DNAJC7: variants seen among roughly 807,000 people sequenced by gnomAD.
The protein encoded by DNAJC7 is dnaJ homolog subfamily C member 7.
DNAJC7 carries 18 observed loss-of-function variants against 67.4 expected under a neutral mutation model. The ratio of observed to expected loss-of-function variants is 0.27; its 90% CI spans 0.18 to 0.40. DNAJC7 has a LOEUF of 0.40. Ranked by LOEUF, DNAJC7 falls within the 10% of genes least tolerant of loss-of-function variation. The pLI is 1.00. For synonymous variants in DNAJC7, 220 were observed against 207.8 expected, an observed-to-expected ratio of 1.06 and a Z score of -0.50; for missense variants, 419 against 613.8, an observed-to-expected ratio of 0.68 and a Z score of 3.35.
Position 41,996,526 on chromosome 17 carries a change from G to A in DNAJC7, c.292-102C>T, listed in dbSNP as rs138676914. ...CACACAAAACCAACACAGAGGCCAG[G>A]CGCGGTGACTCACACCTGTAATCCC... On this transcript the variant is annotated intron_variant, in intron 3 of 13. Coordinates refer to ENST00000457167, the MANE Select transcript of DNAJC7 (RefSeq NM_003315.4). 1.0e-5 allele frequency: 10 copies of A among 974,192 alleles called. No individual in the cohort carries two copies. The African/African-American group carries it at 1.1e-4, about 11-fold the overall frequency. The allele number at this position is 974,192 out of a possible 1,614,324, so 60.3% of individuals were successfully genotyped here.
intron 5 of DNAJC7, among the ~76,000 whole-genome samples, chr17:41,994,162 C>G (rs1555648224): frequency 6.6e-6 from 1 of 151,768 alleles, no homozygotes; most frequent in Admixed American, 6.6e-5. Context: ...ATGGTGAAAC[C>G]CCATCTCTAC....
Position 42,002,521 on chromosome 17 carries a change from T to C in DNAJC7, c.78-1951A>G, listed in dbSNP as rs571009884. Among the ~76,000 whole-genome samples, 229 of 152,288 alleles carry C rather than the reference T, an allele frequency of 1.5e-3. 1 individual carries two copies. Among genetic ancestry groups the C allele is most frequent in the Non-Finnish European group, 1.8e-3 (123 of 68,022 alleles). Reference sequence around the variant, plus strand: ...TGCAAAGGATGATTTTGGTGGACAGTTACTAATAACTACTGAGGCCAGGTA... The same window carrying C: ...TGCAAAGGATGATTTTGGTGGACAGCTACTAATAACTACTGAGGCCAGGTA... On this transcript the variant is annotated intron_variant, in intron 1 of 13. Transcript: ENST00000457167.
chr17:41,994,856 T>A lies in DNAJC7; in HGVS notation c.480+14A>T. 3 of 1,613,166 alleles carry A rather than the reference T, an allele frequency of 1.9e-6. No homozygotes were observed. In the South Asian group the frequency reaches 3.3e-5, roughly 18 times the overall value. The stretch of plus-strand genomic sequence containing the variant: ...ACAAAGAGCAGATGAGATTATCTCA[T>A]GGTTGTACTGTACCTTCCGAAAATC... On this transcript the variant is annotated intron_variant, in intron 5 of 13. Transcript: ENST00000457167.
At position 41,981,664 on chromosome 17, in the gene DNAJC7, C is replaced by T. The variant is rs951317912; in HGVS notation, c.1384+191G>A. On this transcript the variant is annotated intron_variant, in intron 12 of 13. Coordinates refer to ENST00000457167, the MANE Select transcript of DNAJC7 (RefSeq NM_003315.4). ...TTCCAAGCCTTCCCTTGCTAGTGCT[C>T]GCCTCCTCAGAGCTCACTGCACACT... The T allele has an allele frequency of 4.4e-5, 31 of 699,180 alleles. No homozygotes were observed. In the African/African-American group the frequency reaches 5.1e-4, roughly 11 times the overall value. 43.3% of individuals were successfully genotyped at this position (699,180 alleles called of 1,614,324 possible). A position where few individuals can be genotyped will look rare whatever the true frequency, so the allele number is the denominator to read the frequency against.
intron 12 of DNAJC7, among the ~76,000 whole-genome samples, chr17:41,979,657 T>TTAA (rs1233568711): frequency 1.5e-4 from 7 of 47,834 alleles, no homozygotes; most frequent in African/African-American, 5.3e-4. Flanking sequence ...GGCTCAGTCT[T>TTAA]AAAAAAAAAA....
intron 12 of DNAJC7, among the ~76,000 whole-genome samples, chr17:41,978,809 G>A (rs1440128366): frequency 6.6e-6 from 1 of 152,232 alleles, no homozygotes; most frequent in Non-Finnish European, 1.5e-5. Flanking sequence ...GAACCCGGGA[G>A]GCGGAGCTTG....
chr17:42,010,593 G>A (rs1215914798), intron 1 of DNAJC7, among the ~76,000 whole-genome samples: 9 of 152,016 alleles, frequency 5.9e-5, no homozygotes, highest in African/African-American at 2.2e-4. Flanking sequence ...GATTGTCAAC[G>A]GTATTTCACT....
chr17:41,980,449 A>G (rs2051220020), intron 12 of DNAJC7, among the ~76,000 whole-genome samples: 1 of 151,838 alleles, frequency 6.6e-6, no homozygotes, highest in African/African-American at 2.4e-5. Flanking sequence ...ACAGTGGCGC[A>G]ATCTCAGCTC....
chr17:41,982,078 C>G lies in DNAJC7; in HGVS notation c.1232-71G>C, dbSNP rs182733642. 6.9e-4 allele frequency: 1,100 copies of G among 1,585,676 alleles called. 6 individuals carry two copies. The highest frequency in any genetic ancestry group is 4.0e-3 in the Admixed American group (210 of 52,860). ...AAGAAAACAAAGTTTAAGAGAAAAA[C>G]TACTTTCTGTCTAATTTTGGAATTT... On this transcript the variant is annotated intron_variant, in intron 11 of 13. Transcript: ENST00000457167.
intron 12 of DNAJC7, 94 bp downstream of exon 12, chr17:41,981,761 G>T: frequency 6.6e-7 from 1 of 1,508,646 alleles, no homozygotes; most frequent in Non-Finnish European, 9.0e-7. Context: ...GATCAGATTT[G>T]GCCCAAATAG....
At chr17:42,015,473 TAGG>T (rs1388285986) in intron 1 of DNAJC7, 1 of 152,122 alleles carries the variant, frequency 6.6e-6, no homozygotes, top group African/African-American at 2.4e-5. Flanking sequence ...TTGCTTAAGA[TAGG>T]AGGCTATGAA....
At chr17:41,981,787 C>A (rs1052883623) in intron 12 of DNAJC7, 68 bp downstream of exon 12, 13 of 1,579,198 alleles carry the variant, frequency 8.2e-6, no homozygotes, top group Non-Finnish European at 1.1e-5. Flanking sequence ...CCCTCTGGAG[C>A]ATCTTTGGAA....
At chr17:42,005,422 T>C (rs1299286445) in intron 1 of DNAJC7, among the ~76,000 whole-genome samples, 2 of 152,240 alleles carry the variant, frequency 1.3e-5, no homozygotes, top group Non-Finnish European at 2.9e-5. Context: ...GATCTCTGCG[T>C]TGGGTCAACT....
At chr17:42,014,299 C>A (rs1206870811) in intron 1 of DNAJC7, 1 of 151,038 alleles carries the variant, frequency 6.6e-6, no homozygotes, top group Non-Finnish European at 1.5e-5. Context: ...TCCCGAGTAG[C>A]TGGGATTACA....
chr17:42,002,843 TACACCCC>T (rs1226392174), intron 1 of DNAJC7, among the ~76,000 whole-genome samples: 8 of 152,192 alleles, frequency 5.3e-5, no homozygotes, highest in African/African-American at 1.9e-4. Flanking sequence ...AGACACACAG[TACACCCC>T]ACATGTAATA....
chr17:42,008,459 G>A (rs1598151611), intron 1 of DNAJC7, among the ~76,000 whole-genome samples: 1 of 151,324 alleles, frequency 6.6e-6, no homozygotes, highest in South Asian at 2.1e-4. Context: ...ACCCAGGTTG[G>A]AGTGCAGTGG....
chr17:41,977,021 C>A, intron 13 of DNAJC7: 1 of 638,662 alleles, frequency 1.6e-6, no homozygotes, highest in Non-Finnish European at 2.7e-6. Context: ...TGGTACTAGG[C>A]AGTTAGAGAT....
Position 41,976,475 on chromosome 17 carries a change from T to A in DNAJC7, c.*258A>T. 1 of 467,672 alleles carries A rather than the reference T, an allele frequency of 2.1e-6. No homozygotes were observed. The highest frequency in any genetic ancestry group is 4.2e-5 in the East Asian group (1 of 23,936). The allele number at this position is 467,672 out of a possible 1,614,324, so 29.0% of individuals were successfully genotyped here. A position where few individuals can be genotyped will look rare whatever the true frequency, so the allele number is the denominator to read the frequency against. On this transcript the variant is annotated 3_prime_UTR_variant, in exon 14 of 14. Coordinates refer to ENST00000457167, the MANE Select transcript of DNAJC7 (RefSeq NM_003315.4). Reference sequence around the variant, plus strand: ...CATTTTATTCTCTTTTTTTTTTCTTTTTTAATAAAGTTAAACAGTAAAACA... The same window carrying A: ...CATTTTATTCTCTTTTTTTTTTCTTATTTAATAAAGTTAAACAGTAAAACA...
At chr17:42,012,603 C>T (rs1412634678) in intron 1 of DNAJC7, among the ~76,000 whole-genome samples, 1 of 152,164 alleles carries the variant, frequency 6.6e-6, no homozygotes, top group African/African-American at 2.4e-5. Flanking sequence ...ACAGGTATTC[C>T]CATATTAGGT....
Sources: allele counts gnomAD v4.1 joint callset (sites outside exome capture counted in the v4.1 genomes callset), GRCh38; gene constraint gnomAD v4.1.1; transcripts MANE v1.5; gene names NCBI Gene and HGNC (gene_info 2026-07-23, HGNC 2026-07-21).